Variants in IGFN1 observed in about 807,000 individuals in gnomAD.
IGFN1 encodes immunoglobulin-like and fibronectin type III domain-containing protein 1.
Under a neutral mutation model 289.5 loss-of-function variants are expected in IGFN1, and 253 were observed. That is an observed-to-expected ratio of 0.87 (90% CI 0.79 to 0.97). The LOEUF (loss-of-function observed/expected upper bound fraction) is 0.97, where lower values mean the gene tolerates loss of function less well. Among genes scored for constraint, IGFN1 ranks in the 50% least tolerant of loss-of-function variants. The pLI is 0.00. For missense variants in IGFN1, 4,470 were observed against 4,686.1 expected (o/e 0.95, Z 1.35); for synonymous variants, 1,706 against 1,788.5 (o/e 0.95, Z 1.16).
Position 201,215,878 on chromosome 1 carries a change from C to T in IGFN1, c.9295+40C>T, listed in dbSNP as rs1283795203. On this transcript the variant is annotated intron_variant, in intron 15 of 23. Transcript: ENST00000335211. ...TTCCCCCAACTAAGGCCTGAGAGTC[C>T]CTGGGGTTCTGGGCCCTCCCTGCCA... The T allele has an allele frequency of 2.5e-6, 4 of 1,590,762 alleles. No homozygotes were observed. In the Admixed American group the frequency reaches 5.3e-5, roughly 21 times the overall value.
rs757265075 is a variant in IGFN1, at chr1:201,221,465, A to T, written c.9920A>T (p.Asn3307Ile). Reference sequence around the variant, plus strand: ...GCAGGACCCCCTGGGCTGGTGAGGAATCTCCAAGTCACAGACAGATCGAAC... The same window carrying T: ...GCAGGACCCCCTGGGCTGGTGAGGATTCTCCAAGTCACAGACAGATCGAAC... ...DPMRPPGLVRNLQVTDRSNTS... is the reference protein window; with the variant it reads ...DPMRPPGLVRILQVTDRSNTS... The change falls in exon 19 of 24, where the codon AAT becomes ATT. Residue 3307 changes from asparagine to isoleucine, a missense_variant. Asn to Ile is a moderately radical substitution (Grantham distance 149). Around this residue, in one of 8 missense-constraint regions of IGFN1, gnomAD observed 2,218 missense variants for 2,114.1 expected, o/e 1.05. Coordinates refer to ENST00000335211, the MANE Select transcript of IGFN1 (RefSeq NM_001164586.2). The T allele has an allele frequency of 7.5e-6, 12 of 1,600,066 alleles. No individual in the cohort carries two copies. Among genetic ancestry groups the T allele is most frequent in the Middle Eastern group, 3.3e-4 (2 of 5,996 alleles).
chr1:201,225,472 A>G (rs1015975436), intron 21 of IGFN1, among the ~76,000 whole-genome samples: 1 of 152,202 alleles, frequency 6.6e-6, no homozygotes, highest in Non-Finnish European at 1.5e-5. Context: ...GGCCGCCTGT[A>G]GTCCCAGCTA....
intron 8 of IGFN1, 86 bp from the exon 9 acceptor site, chr1:201,201,633 G>A: frequency 1.4e-6 from 1 of 704,948 alleles, no homozygotes; most frequent in South Asian, 1.7e-5. Context: ...GTGGGCCTGG[G>A]ATGGTACCAG....
At chr1:201,198,351 GTCTCGAACTCCTGACCTCAGGTGA>G (rs1376692385) in intron 5 of IGFN1, among the ~76,000 whole-genome samples, 7 of 152,220 alleles carry the variant, frequency 4.6e-5, no homozygotes, top group African/African-American at 9.7e-5. Context: ...GGCCAGGCTG[GTCTCGAACTCCTGACCTCAGGTGA>G]TCCACCTGCC....
At chr1:201,222,071 A>G (rs529846767) in intron 19 of IGFN1, 61 of 208,512 alleles carry the variant, frequency 2.9e-4, no homozygotes, top group African/African-American at 1.3e-3. Flanking sequence ...GGAGACTCCA[A>G]AGTTGATGTT....
intron 20 of IGFN1, among the ~76,000 whole-genome samples, chr1:201,224,200 A>G (rs1653933500): frequency 6.6e-6 from 1 of 152,168 alleles, no homozygotes; most frequent in Non-Finnish European, 1.5e-5. Flanking sequence ...GGACACCGCA[A>G]TCTTCCTCCT....
chr1:201,211,505 A>T lies in IGFN1; in HGVS notation c.6612A>T (p.Glu2204Asp). ...AGFRDGLGGS[E>D]EMGSVNKAGY... is the part of the protein sequence containing the mutation. Reference sequence around the variant, plus strand: ...TCAGGGATGGTTTAGGGGGTTCTGAAGAAATGGGGTCAGTGAATAAGGCAG... The same window carrying T: ...TCAGGGATGGTTTAGGGGGTTCTGATGAAATGGGGTCAGTGAATAAGGCAG... The change falls in exon 12 of 24, where the codon GAA (glutamate) becomes GAT (aspartate). Residue 2204 changes from glutamate to aspartate, a missense_variant. Glu to Asp is a conservative substitution (Grantham distance 45). Around this residue, in one of 8 missense-constraint regions of IGFN1, gnomAD observed 2,218 missense variants for 2,114.1 expected, o/e 1.05. Coordinates refer to ENST00000335211, the MANE Select transcript of IGFN1 (RefSeq NM_001164586.2). 6.7e-7 allele frequency: 1 copy of T among 1,498,412 alleles called. No homozygotes were observed. The highest frequency in any genetic ancestry group is 8.9e-7 in the Non-Finnish European group (1 of 1,126,330). The allele number at this position is 1,498,412 out of a possible 1,614,324, so 92.8% of individuals were successfully genotyped here. A position where few individuals can be genotyped will look rare whatever the true frequency, so the allele number is the denominator to read the frequency against.
chr1:201,200,259 A>C lies in IGFN1; in HGVS notation c.481A>C (p.Lys161Gln). 1 of 1,551,778 alleles carries C rather than the reference A, an allele frequency of 6.4e-7. No individual in the cohort carries two copies. The highest frequency in any genetic ancestry group is 8.7e-7 in the Non-Finnish European group (1 of 1,146,972). ...CAGGGCCCCACCAGCCCCCAAGAAA[A>C]AGATGGACCTTGAGCAGATATGGCA... The part of the protein sequence containing the change: ...KKRAPPAPKK[K>Q]MDLEQIWQLL... Residue 161 changes from lysine to glutamine, a missense_variant, in exon 8 of 24, where the codon AAG (lysine) becomes CAG (glutamine). Physicochemically the swap from Lys to Gln is moderately conservative, Grantham distance 53 (BLOSUM62 1). Transcript: ENST00000335211.
Position 201,216,510 on chromosome 1 carries a change from G to A in IGFN1, c.9352G>A (p.Val3118Ile), listed in dbSNP as rs574892301. 2.0e-4 allele frequency: 325 copies of A among 1,609,180 alleles called. 4 individuals carry two copies. Among genetic ancestry groups the A allele is most frequent in the South Asian group, 1.3e-3 (115 of 90,912 alleles). The change falls in exon 16 of 24, where the codon GTC (valine) becomes ATC (isoleucine). Residue 3118 changes from valine to isoleucine, a missense_variant. Coordinates refer to ENST00000335211, the MANE Select transcript of IGFN1 (RefSeq NM_001164586.2). ...MEVQDCHRAG[V>I]CLRWRPPRDN... is the part of the protein sequence containing the mutation. ...GGTTCAGGATTGCCATAGGGCTGGC[G>A]TCTGCCTCCGCTGGCGGCCCCCAAG...
rs760871579 is a variant in IGFN1 at position 201,211,891 on chromosome 1, G to T, written c.6998G>T (p.Gly2333Val). ...RQGFGGTSGM[G>V]SGSEVSYRGG... is the part of the protein sequence containing the mutation. ...GGCTTTGGGGGAACTAGTGGCATGG[G>T]GTCAGGGAGTGAGGTCAGTTATAGA... The change falls in exon 12 of 24, where the codon GGG becomes GTG. Residue 2333 changes from glycine (G) to valine (V), a missense_variant. Physicochemically the swap from Gly to Val is moderately radical, Grantham distance 109. Coordinates refer to ENST00000335211, the MANE Select transcript of IGFN1 (RefSeq NM_001164586.2). The T allele has an allele frequency of 7.8e-6, 12 of 1,530,672 alleles. No homozygotes were observed. The highest frequency in any genetic ancestry group is 4.0e-5 in the Admixed American group (2 of 50,578). The allele number at this position is 1,530,672 out of a possible 1,614,324, so 94.8% of individuals were successfully genotyped here.
chr1:201,191,239 T>C (rs746666272), intron 1 of IGFN1, among the ~76,000 whole-genome samples: 5 of 152,210 alleles, frequency 3.3e-5, no homozygotes, highest in Non-Finnish European at 4.4e-5. Flanking sequence ...GACCTCGGGC[T>C]GGGACTTGTT....
In IGFN1 at chr1:201,211,271, T is replaced by A; in HGVS notation, c.6378T>A (p.Asp2126Glu). The A allele has an allele frequency of 6.5e-7, 1 of 1,529,534 alleles. No homozygotes were observed. The highest frequency in any genetic ancestry group is 8.7e-7 in the Non-Finnish European group (1 of 1,143,776). 94.7% of individuals were successfully genotyped at this position (1,529,534 alleles called of 1,614,324 possible). A position where few individuals can be genotyped will look rare whatever the true frequency, so the allele number is the denominator to read the frequency against. The change falls in exon 12 of 24, where the codon GAT (aspartate) becomes GAA (glutamate). Residue 2126 changes from aspartate (D) to glutamate (E), a missense_variant. Asp to Glu is a conservative substitution (Grantham distance 45, BLOSUM62 2). Coordinates refer to ENST00000335211, the MANE Select transcript of IGFN1 (RefSeq NM_001164586.2). ...CAGGAAGTAAGGCAGGTTTTAGGGATGGTTTAGGGAGTTCTACAGAAATGG... is the reference window on the plus strand; with the variant it reads ...CAGGAAGTAAGGCAGGTTTTAGGGAAGGTTTAGGGAGTTCTACAGAAATGG... ...IGSGSKAGFR[D>E]GLGSSTEMGS...
Position 201,205,147 on chromosome 1 carries a change from T to C in IGFN1, c.982T>C (p.Phe328Leu). 2.6e-6 allele frequency: 4 copies of C among 1,551,060 alleles called. No individual in the cohort carries two copies. The highest frequency in any genetic ancestry group is 2.6e-6 in the Non-Finnish European group (3 of 1,146,974). Residue 328 changes from phenylalanine (F) to leucine (L), a missense_variant, in exon 11 of 24, where the codon TTT (phenylalanine) becomes CTT (leucine). Around this residue, in one of 8 missense-constraint regions of IGFN1, gnomAD observed 2,011 missense variants for 1,953.4 expected, o/e 1.03. Coordinates refer to ENST00000335211, the MANE Select transcript of IGFN1 (RefSeq NM_001164586.2). ...CTGTGAGGAGCAGGGTGACGCAGTC[T>C]TTGAATGTACCCTCTCCAGCCCCTG... The part of the protein sequence containing the change: ...THCEEQGDAV[F>L]ECTLSSPCPS...
chr1:201,217,321 G>C lies in IGFN1; in HGVS notation c.9630G>C (p.Leu3210=), dbSNP rs1201353180. 1 of 1,614,088 alleles carries C rather than the reference G, an allele frequency of 6.2e-7. No individual in the cohort carries two copies. The highest frequency in any genetic ancestry group is 1.1e-5 in the South Asian group (1 of 91,078). ...AGGCCCCTTCCGCGCCAGCCATCCT[G>C]TCGGCCTCCAGCCAGGGCATCACAC... ...LPKAPSAPAI[L]SASSQGITLT... The change falls in exon 17 of 24, where the codon CTG becomes CTC. Residue 3210 remains leucine, a synonymous_variant. Transcript: ENST00000335211.
intron 9 of IGFN1, 39 bp from the exon 10 acceptor site, chr1:201,203,699 C>T (rs1047379247): frequency 1.3e-6 from 2 of 1,542,476 alleles, no homozygotes; most frequent in African/African-American, 1.4e-5. Context: ...GCACTGAGGA[C>T]CCACTGAGGC....
intron 4 of IGFN1, among the ~76,000 whole-genome samples, 181 bp from the exon 5 acceptor site, chr1:201,197,037 C>A (rs1362399920): frequency 6.6e-6 from 1 of 152,178 alleles, no homozygotes; most frequent in African/African-American, 2.4e-5. Context: ...ATTGATACAT[C>A]CACCCTCTGT....
At chr1:201,193,909 G>A (rs570165484) in intron 2 of IGFN1, among the ~76,000 whole-genome samples, 1 of 152,132 alleles carries the variant, frequency 6.6e-6, no homozygotes, top group African/African-American at 2.4e-5. Flanking sequence ...GTCTTCCTAG[G>A]GTGCCCCACC....
In IGFN1 at chr1:201,225,685, A is replaced by C. The variant is rs571549224; in HGVS notation, c.10487-139A>C. 8.2e-5 allele frequency: 55 copies of C among 673,342 alleles called. No individual in the cohort carries two copies. In the African/African-American group the frequency reaches 9.2e-4, roughly 11 times the overall value. 41.7% of individuals were successfully genotyped at this position (673,342 alleles called of 1,614,324 possible). On this transcript the variant is annotated intron_variant, in intron 21 of 23. Coordinates refer to ENST00000335211, the MANE Select transcript of IGFN1 (RefSeq NM_001164586.2). ...TAGAGATAACTGTGGACCGCTGGCC[A>C]AGCTTACTCTGGGTCCAGCTACTTG...
intron 3 of IGFN1, among the ~76,000 whole-genome samples, chr1:201,194,784 G>T (rs994746650): frequency 1.9e-4 from 29 of 152,224 alleles, no homozygotes; most frequent in Non-Finnish European, 1.6e-4. Flanking sequence ...GAAAAAGTGG[G>T]AATTGGTGTT....
Sources: allele counts gnomAD v4.1 joint callset (sites outside exome capture counted in the v4.1 genomes callset), GRCh38; gene constraint gnomAD v4.1.1; regional missense constraint gnomAD v4.1.1; transcripts MANE v1.5; gene names NCBI Gene and HGNC (gene_info 2026-07-23, HGNC 2026-07-21).